NLGN1: variants seen among roughly 807,000 people sequenced by gnomAD.
NLGN1 encodes the protein neuroligin-1.
NLGN1 carries 12 observed loss-of-function variants against 65.5 expected under a neutral mutation model. The observed-to-expected ratio is 0.18, with a 90% CI of 0.12 to 0.30. The LOEUF (loss-of-function observed/expected upper bound fraction) is 0.30, where lower values mean the gene tolerates loss of function less well. Among genes scored for constraint, NLGN1 ranks in the 10% least tolerant of loss-of-function variants. The pLI is 1.00. For synonymous variants in NLGN1, 350 were observed against 359.5 expected (o/e 0.97, Z 0.30); for missense variants, 750 against 1,007.1 (o/e 0.74, Z 3.46).
intron 1 of NLGN1, among the ~76,000 whole-genome samples, chr3:173,425,560 A>G (rs1396291187): frequency 1.3e-5 from 2 of 152,114 alleles, no homozygotes; most frequent in Non-Finnish European, 2.9e-5. Flanking sequence ...TCTTCTGCAT[A>G]TGGATATCCA....
chr3:173,924,646 T>A (rs1314729997), intron 4 of NLGN1, among the ~76,000 whole-genome samples: 3 of 151,294 alleles, frequency 2.0e-5, no homozygotes, highest in African/African-American at 7.3e-5. Flanking sequence ...AAAATAAAAA[T>A]AAAAATTCAA....
chr3:174,019,468 C>G (rs931472286), intron 4 of NLGN1, among the ~76,000 whole-genome samples: 6 of 152,062 alleles, frequency 3.9e-5, no homozygotes, highest in African/African-American at 1.4e-4. Flanking sequence ...GCTTGGCCAG[C>G]CTCCAGAACT....
intron 4 of NLGN1, among the ~76,000 whole-genome samples, chr3:173,918,049 T>A (rs1325744171): frequency 6.6e-6 from 1 of 152,158 alleles, no homozygotes; most frequent in Non-Finnish European, 1.5e-5. Flanking sequence ...ATGAATTAAA[T>A]AAGATAATGT....
chr3:174,110,119 C>G (rs771586108), intron 4 of NLGN1, among the ~76,000 whole-genome samples: 2 of 151,974 alleles, frequency 1.3e-5, no homozygotes, highest in Non-Finnish European at 2.9e-5. Context: ...TCTGCCAGTA[C>G]CTACTTCCCA....
At chr3:173,613,672 G>C (rs1317842810) in intron 3 of NLGN1, among the ~76,000 whole-genome samples, 1 of 152,024 alleles carries the variant, frequency 6.6e-6, no homozygotes, top group Non-Finnish European at 1.5e-5. Flanking sequence ...ATTGAACAAC[G>C]TTATTTTTAA....
At chr3:174,003,413 A>G (rs1723699043) in intron 4 of NLGN1, among the ~76,000 whole-genome samples, 1 of 152,256 alleles carries the variant, frequency 6.6e-6, no homozygotes, top group African/African-American at 2.4e-5. Context: ...CCGGAAATAC[A>G]TAATATGAGG....
chr3:173,704,446 GAC>G (rs1210128491), intron 3 of NLGN1, among the ~76,000 whole-genome samples: 11 of 152,034 alleles, frequency 7.2e-5, no homozygotes, highest in Admixed American at 6.6e-4. Flanking sequence ...AAATAATAGA[GAC>G]ACTTTTCAAA....
intron 4 of NLGN1, among the ~76,000 whole-genome samples, chr3:173,943,054 A>G (rs925555889): frequency 1.3e-5 from 2 of 151,916 alleles, no homozygotes; most frequent in Non-Finnish European, 2.9e-5. Context: ...GCAAAACCCC[A>G]TCTTTACAAA....
chr3:174,076,034 C>T lies in NLGN1; in HGVS notation c.647-199281C>T, dbSNP rs142171331. Among the ~76,000 whole-genome samples, 200 of 152,168 alleles carry T rather than the reference C, an allele frequency of 1.3e-3. 8 individuals are homozygous for T. The East Asian group carries it at 0.029, about 22-fold the overall frequency. On this transcript the variant is annotated intron_variant, in intron 4 of 6. Transcript: ENST00000457714. ...TGCCTACACTATATCATTCAATTAGCTCATAATTGTAAAACCAATTAAATT... is the reference window on the plus strand; with the variant it reads ...TGCCTACACTATATCATTCAATTAGTTCATAATTGTAAAACCAATTAAATT...
chr3:173,512,735 C>T (rs13314681), intron 2 of NLGN1, among the ~76,000 whole-genome samples: 2,378 of 152,186 alleles, frequency 0.016, 57 homozygotes, highest in African/African-American at 0.054. Flanking sequence ...AGGGACCAAC[C>T]CCTGTCTGCC....
chr3:174,259,673 T>G (rs1746474886), intron 4 of NLGN1, among the ~76,000 whole-genome samples: 1 of 122,582 alleles, frequency 8.2e-6, no homozygotes, highest in East Asian at 2.4e-4. Context: ...TTTCTTACCC[T>G]TAGTAGAATT....
intron 2 of NLGN1, among the ~76,000 whole-genome samples, chr3:173,503,803 T>C (rs78649508): frequency 0.026 from 3,901 of 152,194 alleles, 184 homozygotes; most frequent in African/African-American, 0.086. Flanking sequence ...TGTAGCACTG[T>C]AAATCTGATA....
chr3:173,720,204 G>A (rs547262771), intron 3 of NLGN1, among the ~76,000 whole-genome samples: 10 of 152,206 alleles, frequency 6.6e-5, no homozygotes, highest in Non-Finnish European at 1.3e-4. Flanking sequence ...GCCTGAATGT[G>A]GTAAACAAAA....
At chr3:174,245,635 A>G (rs1743652426) in intron 4 of NLGN1, among the ~76,000 whole-genome samples, 1 of 152,188 alleles carries the variant, frequency 6.6e-6, no homozygotes, top group East Asian at 1.9e-4. Flanking sequence ...AGACTATAAC[A>G]TGCTGATAAA....
In NLGN1 at chr3:174,275,288, C is replaced by T. The variant is rs187108433; in HGVS notation, c.647-27C>T. 4.8e-5 allele frequency: 74 copies of T among 1,553,128 alleles called. No homozygotes were observed. The African/African-American group carries it at 6.9e-4, about 15-fold the overall frequency. On this transcript the variant is annotated intron_variant, in intron 4 of 6. Transcript: ENST00000457714. ...CTATTTGATTCACGTCAGCTCAAAA[C>T]GTGTTTTCTAAATTTATATTTTTCA...
chr3:173,973,656 T>C (rs1453435832), intron 4 of NLGN1, among the ~76,000 whole-genome samples: 2 of 152,060 alleles, frequency 1.3e-5, no homozygotes, highest in African/African-American at 4.8e-5. Flanking sequence ...ATCTAGAGAA[T>C]TTGGTTTCCA....
At chr3:174,251,035 T>C (rs1744682611) in intron 4 of NLGN1, among the ~76,000 whole-genome samples, 1 of 152,176 alleles carries the variant, frequency 6.6e-6, no homozygotes, top group Non-Finnish European at 1.5e-5. Context: ...AGTCAGTGCA[T>C]CACATGTGCT....
intron 1 of NLGN1, among the ~76,000 whole-genome samples, chr3:173,426,987 C>G (rs1400208101): frequency 6.6e-6 from 1 of 151,986 alleles, no homozygotes; most frequent in Non-Finnish European, 1.5e-5. Flanking sequence ...TTTAAAATTA[C>G]TGATTCAACC....
intron 2 of NLGN1, among the ~76,000 whole-genome samples, chr3:173,440,547 A>G (rs1718978781): frequency 6.6e-6 from 1 of 152,174 alleles, no homozygotes; most frequent in Non-Finnish European, 1.5e-5. Context: ...ATGTTGTGTG[A>G]GCAGGCATGA....
Sources: allele counts gnomAD v4.1 joint callset (sites outside exome capture counted in the v4.1 genomes callset), GRCh38; gene constraint gnomAD v4.1.1; transcripts MANE v1.5; gene names NCBI Gene and HGNC (gene_info 2026-07-23, HGNC 2026-07-21).